The following FAHD2A variants were observed in gnomAD, a reference collection of about 807,000 sequenced individuals.
FAHD2A encodes the protein oxaloacetate tautomerase FAHD2A, mitochondrial.
In FAHD2A, 27 loss-of-function variants were observed where a neutral mutation model predicts 33.4. The ratio of observed to expected loss-of-function variants is 0.81; its 90% confidence interval spans 0.60 to 1.11. The LOEUF is 1.11. FAHD2A is among the 50% of genes most tolerant of loss of function. The pLI, the probability that FAHD2A is intolerant of heterozygous loss-of-function variation, is 0.00. For synonymous variants in FAHD2A, 130 were observed against 153.3 expected (o/e 0.85, Z 1.12); for missense variants, 296 against 395.0 (o/e 0.75, Z 2.12).
downstream of FAHD2A, among the ~76,000 whole-genome samples, chr2:95,418,092 C>T (rs961907485): frequency 1.3e-5 from 2 of 151,908 alleles, no homozygotes; most frequent in African/African-American, 4.8e-5. Flanking sequence ...GGCAATAAGC[C>T]ACAATTCACT....
At chr2:95,408,762 A>G (rs1325904341) in intron 3 of FAHD2A, among the ~76,000 whole-genome samples, 1 of 152,240 alleles carries the variant, frequency 6.6e-6, no homozygotes, top group East Asian at 1.9e-4. Context: ...GAGCTAAACC[A>G]TATCAAGGGC....
intron 5 of FAHD2A, among the ~76,000 whole-genome samples, 177 bp from the exon 6 acceptor site, chr2:95,412,257 C>A (rs778023191): frequency 2.6e-5 from 4 of 151,972 alleles, no homozygotes; most frequent in Non-Finnish European, 5.9e-5. Flanking sequence ...TGCGGGGAGG[C>A]CTGAGAAGGC....
chr2:95,413,378 T>A lies in FAHD2A; in HGVS notation c.*421T>A. The A allele has an allele frequency of 6.4e-7, 1 of 1,560,606 alleles. No individual in the cohort carries two copies. The highest frequency in any genetic ancestry group is 1.4e-5 in the African/African-American group (1 of 72,192). On this transcript the variant is annotated 3_prime_UTR_variant, in exon 8 of 8. Coordinates refer to ENST00000233379, the MANE Select transcript of FAHD2A (RefSeq NM_016044.3). The stretch of plus-strand genomic sequence containing the variant: ...ATAGCTAAGGGTTTGCAGCCTCCTC[T>A]CCATCTTCTGGCTCTAGGACACAGC...
At chr2:95,404,869 G>A (rs573475343) in intron 1 of FAHD2A, among the ~76,000 whole-genome samples, 105 of 152,340 alleles carry the variant, frequency 6.9e-4, no homozygotes, top group Non-Finnish European at 8.8e-4. Flanking sequence ...CAGGAGAAAC[G>A]AAATAATTAT....
chr2:95,405,909 A>G (rs533743577), intron 2 of FAHD2A, 106 bp downstream of exon 2: 1 of 1,280,300 alleles, frequency 7.8e-7, no homozygotes, highest in East Asian at 2.6e-5. Flanking sequence ...AAGGGAGCAG[A>G]GTAACCCCAC....
At chr2:95,417,989 TG>T (rs1256971632), downstream of FAHD2A, among the ~76,000 whole-genome samples, 1 of 152,082 alleles carries the variant, frequency 6.6e-6, no homozygotes, top group Non-Finnish European at 1.5e-5. Context: ...CTTGTTCTGG[TG>T]CTGCTTTGAG....
chr2:95,411,133 C>T (rs1682431128), intron 5 of FAHD2A, 107 bp downstream of exon 5: 8 of 1,517,252 alleles, frequency 5.3e-6, no homozygotes, highest in Non-Finnish European at 7.1e-6. Flanking sequence ...TCCCTGGCCG[C>T]CCTTTCACTG....
chr2:95,410,153 T>G (rs573084121), intron 3 of FAHD2A, among the ~76,000 whole-genome samples: 1 of 152,332 alleles, frequency 6.6e-6, no homozygotes, highest in East Asian at 1.9e-4. Flanking sequence ...TTAAAACACT[T>G]AGAACAGTGC....
downstream of FAHD2A, among the ~76,000 whole-genome samples, chr2:95,420,066 G>A (rs1436437680): frequency 1.3e-5 from 2 of 152,108 alleles, no homozygotes; most frequent in Non-Finnish European, 1.5e-5. Context: ...GTTAGACAGA[G>A]GGCAAATTCA....
chr2:95,417,395 G>T (rs1208355135), downstream of FAHD2A, among the ~76,000 whole-genome samples: 1 of 152,072 alleles, frequency 6.6e-6, no homozygotes, highest in East Asian at 1.9e-4. Flanking sequence ...GAAGCAGCCA[G>T]GCAAATTCCA....
rs1166172149 is a variant in FAHD2A at position 95,414,352 on chromosome 2, A to G, written c.*1395A>G. 1 of 748,444 alleles carries G rather than the reference A, an allele frequency of 1.3e-6. No homozygotes were observed. The highest frequency in any genetic ancestry group is 2.4e-6 in the Non-Finnish European group (1 of 420,190). 46.4% of individuals were successfully genotyped at this position (748,444 alleles called of 1,614,324 possible). A position where few individuals can be genotyped will look rare whatever the true frequency, so the allele number is the denominator to read the frequency against. On this transcript the variant is annotated 3_prime_UTR_variant, in exon 8 of 8. Coordinates refer to ENST00000233379, the MANE Select transcript of FAHD2A (RefSeq NM_016044.3). ...AAAGAAAATCTAGTGCTGGGTGGAT[A>G]TAGAGTATGAAGATGTGGAGCTGGG...
At chr2:95,417,632 A>G (rs1239186759), downstream of FAHD2A, among the ~76,000 whole-genome samples, 1 of 152,118 alleles carries the variant, frequency 6.6e-6, no homozygotes, top group Non-Finnish European at 1.5e-5. Context: ...GGGTGGCTTA[A>G]ACAACAAACG....
At chr2:95,403,432 CAACAGCCAG>C (rs1310495885) in intron 1 of FAHD2A, among the ~76,000 whole-genome samples, 2 of 152,204 alleles carry the variant, frequency 1.3e-5, no homozygotes, top group African/African-American at 4.8e-5. Flanking sequence ...GTCCCTGAGG[CAACAGCCAG>C]AGGGCGCCTG....
Position 95,413,139 on chromosome 2 carries a change from T to C in FAHD2A, c.*182T>C. 4 of 1,111,226 alleles carry C rather than the reference T, an allele frequency of 3.6e-6. No individual in the cohort carries two copies. The highest frequency in any genetic ancestry group is 3.2e-5 in the South Asian group (2 of 61,856). 68.8% of individuals were successfully genotyped at this position (1,111,226 alleles called of 1,614,324 possible). ...CGTCAGGTCAAAGCAGCAGCTTTGC[T>C]TCTGCTGTTTGTCTTCTTTTGGGCT... On this transcript the variant is annotated 3_prime_UTR_variant, in exon 8 of 8. Transcript: ENST00000233379.
Position 95,405,351 on chromosome 2 carries a change from A to G in FAHD2A, c.-6-202A>G, listed in dbSNP as rs542426993. ...CTGGAATCCCTGGGACTTACTGCGTAGCATGTAGTAGTTGCTCCTCTAGAA... is the reference window on the plus strand; with the variant it reads ...CTGGAATCCCTGGGACTTACTGCGTGGCATGTAGTAGTTGCTCCTCTAGAA... On this transcript the variant is annotated intron_variant, in intron 1 of 7. Transcript: ENST00000233379. 1.6e-5 allele frequency: 10 copies of G among 628,090 alleles called. No homozygotes were observed. In the South Asian group the frequency reaches 2.6e-4, roughly 17 times the overall value. The allele number at this position is 628,090 out of a possible 1,614,324, so 38.9% of individuals were successfully genotyped here.
intron 1 of FAHD2A, among the ~76,000 whole-genome samples, chr2:95,404,214 G>A (rs1308772525): frequency 1.3e-5 from 2 of 152,190 alleles, no homozygotes; most frequent in Admixed American, 1.3e-4. Context: ...GAGGCCAGAC[G>A]TGGATTAAGA....
Position 95,415,972 on chromosome 2 carries a change from G to C in FAHD2A, c.*3015G>C, listed in dbSNP as rs1017670762. 10 of 152,226 alleles carry C rather than the reference G, an allele frequency of 6.6e-5. No individual in the cohort carries two copies. The highest frequency in any genetic ancestry group is 2.4e-4 in the African/African-American group (10 of 41,456). The allele number at this position is 152,226 out of a possible 1,614,324, so 9.4% of individuals were successfully genotyped here. ...CTGTTCAGCAGGTGCCTGACACATA[G>C]TAGGTCCACAAGCAAATGATTTTCC... is the stretch of plus-strand genomic sequence containing the variant. On this transcript the variant is annotated 3_prime_UTR_variant, in exon 8 of 8. Transcript: ENST00000233379.
rs1388455684 is a variant in FAHD2A, at chr2:95,414,688, C to G, written c.*1731C>G. 6.1e-6 allele frequency: 1 copy of G among 164,258 alleles called. No homozygotes were observed. The highest frequency in any genetic ancestry group is 2.6e-5 in the African/African-American group (1 of 38,374). The allele number at this position is 164,258 out of a possible 1,614,324, so 10.2% of individuals were successfully genotyped here. A position where few individuals can be genotyped will look rare whatever the true frequency, so the allele number is the denominator to read the frequency against. On this transcript the variant is annotated 3_prime_UTR_variant, in exon 8 of 8. Coordinates refer to ENST00000233379, the MANE Select transcript of FAHD2A (RefSeq NM_016044.3). ...TCCCACCCACCCCACCCAAGGAAGC[C>G]CAGCACAGACCATCTCATCTCACTC...
chr2:95,419,758 G>A (rs1256450264), downstream of FAHD2A, among the ~76,000 whole-genome samples: 1 of 151,912 alleles, frequency 6.6e-6, no homozygotes, highest in Non-Finnish European at 1.5e-5. Flanking sequence ...TATATACATA[G>A]ATATAGAGAT....
Sources: gnomAD v4.1 joint callset for allele counts (sites outside exome capture counted in the v4.1 genomes callset) on GRCh38, gnomAD v4.1.1 for gene constraint, MANE v1.5 for transcripts, NCBI Gene and HGNC (gene_info 2026-07-23, HGNC 2026-07-21) for gene names.